Variants in PTPRD observed in about 807,000 individuals in gnomAD.
PTPRD encodes receptor-type tyrosine-protein phosphatase delta.
PTPRD carries 34 observed loss-of-function variants against 214.5 expected under a neutral mutation model. That is an observed-to-expected ratio of 0.16 (90% CI 0.12 to 0.21). The LOEUF (loss-of-function observed/expected upper bound fraction) is 0.21. Among genes scored for constraint, PTPRD ranks in the 10% least tolerant of loss-of-function variants. The pLI is 1.00. For synonymous variants in PTPRD, 1,128 were observed against 845.7 expected, an observed-to-expected ratio of 1.33 and a Z score of -5.79; for missense variants, 2,545 against 2,398.7, an observed-to-expected ratio of 1.06 and a Z score of -1.27.
At chr9:9,173,368 G>A (rs564262260) in intron 10 of PTPRD, among the ~76,000 whole-genome samples, 9 of 152,064 alleles carry the variant, frequency 5.9e-5, no homozygotes, top group African/African-American at 2.2e-4. Flanking sequence ...GTGTCTATTC[G>A]GATGGGTTGG....
chr9:8,452,548 G>A (rs1440058056), intron 33 of PTPRD, among the ~76,000 whole-genome samples: 1 of 152,118 alleles, frequency 6.6e-6, no homozygotes, highest in Non-Finnish European at 1.5e-5. Context: ...TTTGAAAAAT[G>A]GAAAGAATAA....
intron 9 of PTPRD, among the ~76,000 whole-genome samples, chr9:9,305,894 C>T (rs1026626876): frequency 6.6e-6 from 1 of 152,010 alleles, no homozygotes; most frequent in African/African-American, 2.4e-5. Flanking sequence ...AATTTTTTTC[C>T]TAGCTCTTTC....
intron 7 of PTPRD, among the ~76,000 whole-genome samples, chr9:9,589,296 A>C (rs1370026478): frequency 6.6e-6 from 1 of 151,974 alleles, no homozygotes; most frequent in Non-Finnish European, 1.5e-5. Context: ...CCTACATAGA[A>C]AATTTAGATG....
intron 35 of PTPRD, among the ~76,000 whole-genome samples, chr9:8,415,137 G>A (rs1055888356): frequency 6.6e-6 from 1 of 152,166 alleles, no homozygotes; most frequent in East Asian, 1.9e-4. Context: ...TCCAGAATGA[G>A]AGAAGGTAGC....
At chr9:10,279,500 A>G (rs957800328) in intron 3 of PTPRD, among the ~76,000 whole-genome samples, 1 of 152,044 alleles carries the variant, frequency 6.6e-6, no homozygotes, top group Non-Finnish European at 1.5e-5. Flanking sequence ...CTAGATCTGC[A>G]TGTTCACAGT....
chr9:9,780,140 C>G (rs1476842779), intron 5 of PTPRD, among the ~76,000 whole-genome samples: 1 of 152,096 alleles, frequency 6.6e-6, no homozygotes, highest in Non-Finnish European at 1.5e-5. Flanking sequence ...GACCATAATC[C>G]TGAGTTAACA....
chr9:10,000,105 G>C (rs1475610120), intron 4 of PTPRD, among the ~76,000 whole-genome samples: 2 of 152,136 alleles, frequency 1.3e-5, no homozygotes, highest in African/African-American at 4.8e-5. Flanking sequence ...TATAAAAATT[G>C]CCTAAGCCTA....
At chr9:9,407,561 C>A (rs1024687250) in intron 8 of PTPRD, among the ~76,000 whole-genome samples, 17 of 151,684 alleles carry the variant, frequency 1.1e-4, no homozygotes, top group African/African-American at 3.4e-4. Flanking sequence ...ACAATCAACA[C>A]AAAATCTATT....
chr9:10,409,589 C>T (rs2098413348), intron 2 of PTPRD, among the ~76,000 whole-genome samples: 1 of 151,764 alleles, frequency 6.6e-6, no homozygotes, highest in Middle Eastern at 3.2e-3. Flanking sequence ...ACCAGTTATA[C>T]TCTACTCTTA....
At chr9:10,225,183 C>T (rs1046208994) in intron 3 of PTPRD, among the ~76,000 whole-genome samples, 1 of 151,522 alleles carries the variant, frequency 6.6e-6, no homozygotes, top group Admixed American at 6.6e-5. Flanking sequence ...TGAATACAGT[C>T]TTATATAAAT....
intron 35 of PTPRD, among the ~76,000 whole-genome samples, chr9:8,422,857 G>T (rs2131672146): frequency 6.6e-6 from 1 of 152,294 alleles, no homozygotes; most frequent in South Asian, 2.1e-4. Context: ...ATTACTGGTA[G>T]TGGGTGGTAA....
At chr9:9,364,169 T>C (rs894749433) in intron 9 of PTPRD, among the ~76,000 whole-genome samples, 6 of 151,434 alleles carry the variant, frequency 4.0e-5, no homozygotes, top group African/African-American at 7.3e-5. Flanking sequence ...TGAGTCTAAA[T>C]TGATAGACTG....
intron 7 of PTPRD, among the ~76,000 whole-genome samples, chr9:9,606,197 C>T (rs1424865961): frequency 6.6e-6 from 1 of 152,080 alleles, no homozygotes; most frequent in South Asian, 2.1e-4. Context: ...CTCGGTCAAA[C>T]TTACTATTAA....
chr9:8,661,592 T>C (rs750977367), intron 12 of PTPRD, among the ~76,000 whole-genome samples: 2 of 152,168 alleles, frequency 1.3e-5, no homozygotes, highest in Non-Finnish European at 2.9e-5. Context: ...TTGTTCCTTT[T>C]CACTAACGTT....
chr9:9,240,025 C>T (rs1433474195), intron 9 of PTPRD, among the ~76,000 whole-genome samples: 1 of 152,036 alleles, frequency 6.6e-6, no homozygotes, highest in Non-Finnish European at 1.5e-5. Flanking sequence ...TTCAATTTTT[C>T]AAAAGAAAAA....
intron 10 of PTPRD, among the ~76,000 whole-genome samples, chr9:9,056,460 C>G (rs933242851): frequency 2.0e-5 from 3 of 152,196 alleles, no homozygotes; most frequent in Non-Finnish European, 4.4e-5. Flanking sequence ...ACCTAACCTG[C>G]AGTTTTGAAT....
chr9:8,909,155 T>G (rs2098729282), intron 11 of PTPRD, among the ~76,000 whole-genome samples: 1 of 152,004 alleles, frequency 6.6e-6, no homozygotes, highest in Admixed American at 6.6e-5. Context: ...CTCATAAAGA[T>G]AAGCCCAAGA....
chr9:10,230,946 T>G (rs899586021), intron 3 of PTPRD, among the ~76,000 whole-genome samples: 3 of 151,986 alleles, frequency 2.0e-5, no homozygotes, highest in African/African-American at 2.4e-5. Flanking sequence ...GGTAGATTAT[T>G]GAGAATCTTA....
At chr9:10,134,670 ACC>A (rs1317312996) in intron 3 of PTPRD, among the ~76,000 whole-genome samples, 1 of 152,016 alleles carries the variant, frequency 6.6e-6, no homozygotes, top group African/African-American at 2.4e-5. Context: ...TTCAACTTAC[ACC>A]ACAGTCAAAC....
Sources: allele counts gnomAD v4.1 joint callset (sites outside exome capture counted in the v4.1 genomes callset), GRCh38; gene constraint gnomAD v4.1.1; transcripts MANE v1.5; gene names NCBI Gene and HGNC (gene_info 2026-07-23, HGNC 2026-07-21).